Variants in UNC79 observed in about 807,000 individuals in gnomAD.
The protein encoded by UNC79 is protein unc-79 homolog.
UNC79 carries 37 observed loss-of-function variants against 283.1 expected under a neutral mutation model. That is an observed-to-expected ratio of 0.13 (90% CI 0.10 to 0.17). UNC79 has a LOEUF of 0.17. UNC79 is among the 10% of genes least tolerant of loss of function. UNC79 has a pLI of 1.00. For synonymous variants in UNC79, 1,107 were observed against 1,200.2 expected, an observed-to-expected ratio of 0.92 and a Z score of 1.61; for missense variants, 2,272 against 3,211.1, an observed-to-expected ratio of 0.71 and a Z score of 7.07.
chr14:93,625,251 T>C (rs1341151016), intron 30 of UNC79, among the ~76,000 whole-genome samples: 2 of 152,184 alleles, frequency 1.3e-5, no homozygotes, highest in Admixed American at 1.3e-4. Flanking sequence ...ACACTTCCCC[T>C]TTCAGACCCT....
upstream of UNC79, among the ~76,000 whole-genome samples, chr14:93,427,596 A>G (rs975308721): frequency 4.0e-5 from 6 of 151,812 alleles, no homozygotes; most frequent in African/African-American, 1.5e-4. Context: ...AGCACTGAAT[A>G]TATTATGTTT....
At chr14:93,480,671 A>G (rs940591665) in intron 4 of UNC79, among the ~76,000 whole-genome samples, 15 of 152,210 alleles carry the variant, frequency 9.9e-5, no homozygotes, top group Non-Finnish European at 7.4e-5. Flanking sequence ...CAAAACCAGA[A>G]GGATATAGTT....
intron 38 of UNC79, among the ~76,000 whole-genome samples, chr14:93,656,940 G>A (rs1301180624): frequency 6.6e-6 from 1 of 152,180 alleles, no homozygotes; most frequent in South Asian, 2.1e-4. Context: ...TGAGTATTAT[G>A]TAACATAAGA....
At chr14:93,556,706 C>CT (rs1265915824) in intron 14 of UNC79, among the ~76,000 whole-genome samples, 3 of 151,174 alleles carry the variant, frequency 2.0e-5, no homozygotes, top group Non-Finnish European at 4.4e-5. Context: ...ACCCAAAAAC[C>CT]TTTTTTTCAA....
At chr14:93,436,956 G>A (rs573607113) in intron 1 of UNC79, among the ~76,000 whole-genome samples, 25 of 152,184 alleles carry the variant, frequency 1.6e-4, no homozygotes, top group African/African-American at 5.8e-4. Flanking sequence ...GATTAAAACT[G>A]GAGTGGTGTT....
intron 1 of UNC79, among the ~76,000 whole-genome samples, chr14:93,389,251 T>C (rs1016230566): frequency 1.3e-5 from 2 of 152,078 alleles, no homozygotes; most frequent in African/African-American, 4.8e-5. Context: ...AAACCTAAGA[T>C]GACAGAAATA....
chr14:93,675,112 A>G (rs1217250207), intron 41 of UNC79, among the ~76,000 whole-genome samples: 1 of 152,166 alleles, frequency 6.6e-6, no homozygotes, highest in African/African-American at 2.4e-5. Flanking sequence ...TAAGGTCTGA[A>G]CTATCCAGGT....
exon 30 of UNC79, chr14:93,622,433 G>A (rs2139941267): frequency 6.2e-7 from 1 of 1,614,162 alleles, no homozygotes; most frequent in East Asian, 2.2e-5. Context: ...GGAGCTGCCA[G>A]AGTTCTCCTG....
At chr14:93,333,683 G>A (rs763424096) in intron 1 of UNC79, among the ~76,000 whole-genome samples, 3 of 152,204 alleles carry the variant, frequency 2.0e-5, no homozygotes, top group Non-Finnish European at 2.9e-5. Flanking sequence ...ACGTGGGAGA[G>A]CCAAGTCGCT....
rs149720648 is a variant in UNC79 at position 93,505,730 on chromosome 14, C to CTT, written c.898+8453_898+8454dup. 1.3e-3 allele frequency among the ~76,000 whole-genome samples: 187 copies of CTT among 146,118 alleles called. 1 individual carries two copies. Among genetic ancestry groups the CTT allele is most frequent in the South Asian group, 3.9e-3 (18 of 4,628 alleles). The stretch of plus-strand genomic sequence containing the variant: ...CTTCTTTTTTCTTTTTTCTCTCTCT[C>CTT]TTTTTTTTTTGCCTCTTTTGCACTA... On this transcript the variant is annotated intron_variant, in intron 7 of 48. Coordinates refer to ENST00000555664, the Ensembl canonical transcript of UNC79.
At chr14:93,467,650 T>C in intron 1 of UNC79, 21 bp from the exon 2 acceptor site, 10 of 1,074,566 alleles carry the variant, frequency 9.3e-6, no homozygotes, top group South Asian at 4.4e-5. Context: ...TTTTTTTTTT[T>C]TTTTTTTTGC....
intron 26 of UNC79, among the ~76,000 whole-genome samples, chr14:93,610,074 T>C (rs1434857387): frequency 6.6e-6 from 1 of 152,144 alleles, no homozygotes; most frequent in African/African-American, 2.4e-5. Context: ...GAAAATATGA[T>C]GTGATGGGAA....
chr14:93,340,460 AAAAAG>A (rs1223724248), intron 1 of UNC79, among the ~76,000 whole-genome samples: 20 of 146,840 alleles, frequency 1.4e-4, no homozygotes, highest in South Asian at 4.4e-4. Context: ...AAAAAAAAAA[AAAAAG>A]AAGGCCACCT....
intron 1 of UNC79, among the ~76,000 whole-genome samples, chr14:93,405,059 G>C (rs2055198739): frequency 6.6e-6 from 1 of 152,110 alleles, no homozygotes; most frequent in Non-Finnish European, 1.5e-5. Context: ...GAGGCGGATG[G>C]ATCACCTGAG....
chr14:93,682,810 C>A, intron 42 of UNC79, 116 bp downstream of exon 45: 2 of 904,962 alleles, frequency 2.2e-6, no homozygotes, highest in Admixed American at 2.5e-5. Flanking sequence ...AGCTATGTGA[C>A]TTTTGGAACG....
At chr14:93,511,235 G>A (rs1043539999) in intron 7 of UNC79, among the ~76,000 whole-genome samples, 2 of 152,062 alleles carry the variant, frequency 1.3e-5, no homozygotes, top group Non-Finnish European at 2.9e-5. Flanking sequence ...CCAACACTGA[G>A]GATTACAATT....
intron 40 of UNC79, among the ~76,000 whole-genome samples, chr14:93,667,121 A>G (rs1425418965): frequency 6.6e-6 from 1 of 151,898 alleles, no homozygotes; most frequent in Non-Finnish European, 1.5e-5. Context: ...TGAAAAAAAG[A>G]AAGAAGGAAG....
intron 1 of UNC79, among the ~76,000 whole-genome samples, chr14:93,441,988 G>T (rs148871033): frequency 2.5e-3 from 376 of 152,256 alleles, no homozygotes; most frequent in African/African-American, 8.6e-3. Context: ...GTACTTGGAG[G>T]TCAGCTTGGG....
intron 14 of UNC79, among the ~76,000 whole-genome samples, chr14:93,560,936 G>A (rs1428249861): frequency 2.0e-5 from 3 of 152,142 alleles, no homozygotes; most frequent in African/African-American, 7.2e-5. Context: ...AGAAAACGTT[G>A]AGTGCCCACG....
Sources: gnomAD v4.1 joint callset for allele counts (sites outside exome capture counted in the v4.1 genomes callset) on GRCh38, gnomAD v4.1.1 for gene constraint, MANE v1.5 for transcripts, NCBI Gene and HGNC (gene_info 2026-07-23, HGNC 2026-07-21) for gene names.